Variants in GHR observed in about 807,000 individuals in gnomAD.
GHR encodes GH receptor.
GHR carries 35 observed loss-of-function variants against 67.1 expected under a neutral mutation model. The ratio of observed to expected loss-of-function variants is 0.52; its 90% confidence interval spans 0.40 to 0.69. The LOEUF (loss-of-function observed/expected upper bound fraction) is 0.69, where lower values mean the gene tolerates loss of function less well. Ranked by LOEUF, GHR falls within the 30% of genes least tolerant of loss-of-function variation. The pLI is 0.00. For synonymous variants in GHR, 272 were observed against 269.1 expected (o/e 1.01, Z -0.10); for missense variants, 792 against 764.6 (o/e 1.04, Z -0.42).
In GHR at chr5:42,721,502, A is replaced by G. The variant is rs1341294742; in HGVS notation, c.*2078A>G. ...GTTATTTGTAATAGATGTTTGATAG[A>G]TTTTCTGCTACTTTGCTGCTATGGT... is the stretch of plus-strand genomic sequence containing the variant. On this transcript the variant is annotated 3_prime_UTR_variant, in exon 10 of 10. Coordinates refer to ENST00000230882, the MANE Select transcript of GHR (RefSeq NM_000163.5). The G allele has an allele frequency of 1.3e-5, 2 of 152,578 alleles. 1 individual carries two copies. Among genetic ancestry groups the G allele is most frequent in the African/African-American group, 4.8e-5 (2 of 41,438 alleles). 9.5% of individuals were successfully genotyped at this position (152,578 alleles called of 1,614,324 possible). A position where few individuals can be genotyped will look rare whatever the true frequency, so the allele number is the denominator to read the frequency against.
At chr5:42,680,672 T>G (rs1756816303) in intron 3 of GHR, among the ~76,000 whole-genome samples, 2 of 151,794 alleles carry the variant, frequency 1.3e-5, no homozygotes, top group African/African-American at 4.8e-5. Context: ...ACCTGGCTAA[T>G]TTTTGTATTT....
intron 1 of GHR, among the ~76,000 whole-genome samples, chr5:42,434,133 T>C (rs1743220948): frequency 6.6e-6 from 1 of 152,088 alleles, no homozygotes; most frequent in African/African-American, 2.4e-5. Flanking sequence ...AAGAATATGA[T>C]CTTGAATGGG....
At chr5:42,517,861 C>T (rs1044888962) in intron 1 of GHR, among the ~76,000 whole-genome samples, 1 of 151,614 alleles carries the variant, frequency 6.6e-6, no homozygotes, top group African/African-American at 2.4e-5. Context: ...CGTGTTTTCT[C>T]TTGATGCTGT....
chr5:42,616,788 G>T (rs369373814), intron 2 of GHR, among the ~76,000 whole-genome samples: 1 of 151,992 alleles, frequency 6.6e-6, no homozygotes, highest in South Asian at 2.1e-4. Flanking sequence ...AAGAACAGTC[G>T]GTGAGCTAGA....
At chr5:42,698,780 GAA>G (rs1305161335) in intron 5 of GHR, among the ~76,000 whole-genome samples, 1 of 152,128 alleles carries the variant, frequency 6.6e-6, no homozygotes, top group African/African-American at 2.4e-5. Context: ...GGCAGAAAAA[GAA>G]AGTAAATTTT....
rs1180031412 is a variant in GHR, at chr5:42,721,283, A to G, written c.*1859A>G. On this transcript the variant is annotated 3_prime_UTR_variant, in exon 10 of 10. Coordinates refer to ENST00000230882, the MANE Select transcript of GHR (RefSeq NM_000163.5). Reference sequence around the variant, plus strand: ...CTGAAAAGGTTTATGAAAAAGAAGAATCTCATCTCAGTGAAGAATACTTCT... The same window carrying G: ...CTGAAAAGGTTTATGAAAAAGAAGAGTCTCATCTCAGTGAAGAATACTTCT... 1 of 152,150 alleles carries G rather than the reference A, an allele frequency of 6.6e-6. No individual in the cohort carries two copies. Among genetic ancestry groups the G allele is most frequent in the African/African-American group, 2.4e-5 (1 of 41,422 alleles). 9.4% of individuals were successfully genotyped at this position (152,150 alleles called of 1,614,324 possible).
At chr5:42,679,533 G>T (rs544088826) in intron 3 of GHR, among the ~76,000 whole-genome samples, 11 of 152,048 alleles carry the variant, frequency 7.2e-5, no homozygotes, top group African/African-American at 2.7e-4. Context: ...GCTGAGGCAG[G>T]AGAATCACTT....
chr5:42,519,615 C>G (rs1330294979), intron 1 of GHR, among the ~76,000 whole-genome samples: 3 of 152,176 alleles, frequency 2.0e-5, no homozygotes, highest in Non-Finnish European at 4.4e-5. Context: ...CCTTTCTCAA[C>G]CACTTGCTCT....
chr5:42,712,142 T>C (rs988366218), intron 7 of GHR, among the ~76,000 whole-genome samples: 9 of 152,122 alleles, frequency 5.9e-5, no homozygotes, highest in African/African-American at 2.2e-4. Context: ...GGGCTATATG[T>C]TTGTTAATGA....
intron 4 of GHR, among the ~76,000 whole-genome samples, chr5:42,690,810 T>C (rs1757387815): frequency 6.6e-6 from 1 of 152,006 alleles, no homozygotes; most frequent in Non-Finnish European, 1.5e-5. Flanking sequence ...GTAAACAGAG[T>C]TGATTTCTAT....
chr5:42,664,670 G>A (rs1755855221), intron 3 of GHR, among the ~76,000 whole-genome samples: 1 of 152,152 alleles, frequency 6.6e-6, no homozygotes, highest in South Asian at 2.1e-4. Flanking sequence ...TTATCATTCA[G>A]GACATAGGCA....
chr5:42,529,674 T>A (rs2112334501), intron 1 of GHR, among the ~76,000 whole-genome samples: 1 of 152,262 alleles, frequency 6.6e-6, no homozygotes, highest in South Asian at 2.1e-4. Context: ...AGCTTAACTC[T>A]TGGGTGGGTC....
At chr5:42,449,396 C>T (rs1579718728) in intron 1 of GHR, among the ~76,000 whole-genome samples, 1 of 152,010 alleles carries the variant, frequency 6.6e-6, no homozygotes, top group Non-Finnish European at 1.5e-5. Context: ...ATTTTTGCAG[C>T]TGTTGTAAAA....
intron 1 of GHR, among the ~76,000 whole-genome samples, chr5:42,441,345 A>G (rs184976899): frequency 5.9e-4 from 90 of 152,280 alleles, no homozygotes; most frequent in African/African-American, 2.1e-3. Flanking sequence ...GACTTTAGGG[A>G]GAATGAGTTT....
chr5:42,478,663 A>G (rs1458311145), intron 1 of GHR, among the ~76,000 whole-genome samples: 2 of 152,086 alleles, frequency 1.3e-5, no homozygotes, highest in African/African-American at 4.8e-5. Context: ...ATGGGAGTTC[A>G]CTCATGATTT....
chr5:42,529,076 A>G (rs1747838496), intron 1 of GHR, among the ~76,000 whole-genome samples: 1 of 150,596 alleles, frequency 6.6e-6, no homozygotes, highest in South Asian at 2.1e-4. Flanking sequence ...CAGTGGTGCA[A>G]TCTTGGCTCA....
At chr5:42,712,951 T>C (rs1758535841) in intron 7 of GHR, among the ~76,000 whole-genome samples, 1 of 151,840 alleles carries the variant, frequency 6.6e-6, no homozygotes, top group Non-Finnish European at 1.5e-5. Flanking sequence ...GTTTCTGTCA[T>C]GATTTATCAA....
intron 2 of GHR, among the ~76,000 whole-genome samples, chr5:42,585,149 G>T (rs371041166): frequency 5.9e-5 from 9 of 152,302 alleles, no homozygotes; most frequent in African/African-American, 2.2e-4. Flanking sequence ...TGAATAGTCA[G>T]ATAAAAATCA....
chr5:42,453,345 C>A (rs1261207585), intron 1 of GHR, among the ~76,000 whole-genome samples: 1 of 152,106 alleles, frequency 6.6e-6, no homozygotes, highest in East Asian at 1.9e-4. Context: ...GTTGATGATT[C>A]AGGCTTCAGG....
Sources: allele counts gnomAD v4.1 joint callset (sites outside exome capture counted in the v4.1 genomes callset), GRCh38; gene constraint gnomAD v4.1.1; transcripts MANE v1.5; gene names NCBI Gene and HGNC (gene_info 2026-07-23, HGNC 2026-07-21).